ANKRD55: variants seen among roughly 807,000 people sequenced by gnomAD.
ANKRD55 encodes ankyrin repeat domain-containing protein 55.
Under a neutral mutation model 60.6 loss-of-function variants are expected in ANKRD55, and 41 were observed. The observed-to-expected ratio is 0.68, with a 90% CI of 0.53 to 0.88. The LOEUF (loss-of-function observed/expected upper bound fraction) is 0.88. ANKRD55 is among the 40% of genes least tolerant of loss of function. ANKRD55 has a pLI of 0.00. For missense variants in ANKRD55, 732 were observed against 767.6 expected (o/e 0.95, Z 0.55); for synonymous variants, 264 against 290.3 (o/e 0.91, Z 0.92).
chr5:56,107,398 C>A (rs895180144), intron 10 of ANKRD55, among the ~76,000 whole-genome samples: 3 of 152,142 alleles, frequency 2.0e-5, no homozygotes, highest in African/African-American at 7.2e-5. Flanking sequence ...CTAGTTATTT[C>A]ATTGTGTAAG....
At chr5:56,178,633 C>T (rs180710969) in intron 3 of ANKRD55, among the ~76,000 whole-genome samples, 46 of 152,030 alleles carry the variant, frequency 3.0e-4, no homozygotes, top group African/African-American at 1.1e-3. Context: ...AACAAAAATA[C>T]GGTACTTAGG....
intron 3 of ANKRD55, among the ~76,000 whole-genome samples, chr5:56,181,952 T>C (rs7706204): frequency 0.17 from 25,715 of 152,214 alleles, 4,014 homozygotes; most frequent in African/African-American, 0.41. Context: ...TTTTTAAATC[T>C]ACATTCATGA....
intron 2 of ANKRD55, among the ~76,000 whole-genome samples, chr5:56,211,509 G>A (rs993035570): frequency 5.9e-5 from 9 of 152,222 alleles, no homozygotes; most frequent in African/African-American, 2.4e-5. Context: ...ACTTGCACAG[G>A]TGGCAATTGG....
At chr5:56,205,851 C>G (rs1395642870) in intron 2 of ANKRD55, among the ~76,000 whole-genome samples, 10 of 152,140 alleles carry the variant, frequency 6.6e-5, no homozygotes, top group African/African-American at 2.4e-4. Flanking sequence ...AGTCCCTGAG[C>G]TTTGAGTTAT....
chr5:56,122,973 C>A (rs1446089454), intron 8 of ANKRD55, among the ~76,000 whole-genome samples: 2 of 151,902 alleles, frequency 1.3e-5, no homozygotes, highest in Non-Finnish European at 2.9e-5. Flanking sequence ...GCCATGTTGC[C>A]AAGGCTGCTC....
chr5:56,119,574 A>G (rs143038759), intron 8 of ANKRD55, among the ~76,000 whole-genome samples: 31 of 152,288 alleles, frequency 2.0e-4, no homozygotes, highest in Non-Finnish European at 3.8e-4. Context: ...ATTTTACTGA[A>G]CGTAAATAAA....
intron 6 of ANKRD55, among the ~76,000 whole-genome samples, chr5:56,155,921 T>C (rs1758183510): frequency 6.6e-6 from 1 of 151,630 alleles, no homozygotes; most frequent in African/African-American, 2.4e-5. Context: ...TACACATACA[T>C]ATATGGATAC....
At chr5:56,185,479 C>T (rs1561284811) in intron 2 of ANKRD55, among the ~76,000 whole-genome samples, 1 of 151,972 alleles carries the variant, frequency 6.6e-6, no homozygotes, top group Non-Finnish European at 1.5e-5. Flanking sequence ...CCAGCCTAAC[C>T]AACATGGAGA....
chr5:56,187,603 A>G (rs1017659659), intron 2 of ANKRD55, among the ~76,000 whole-genome samples: 13 of 152,226 alleles, frequency 8.5e-5, no homozygotes, highest in Non-Finnish European at 1.3e-4. Flanking sequence ...CTCTGGATCC[A>G]GCAGGGTGAC....
intron 10 of ANKRD55, 87 bp downstream of exon 10, chr5:56,111,031 T>TTG: frequency 6.9e-7 from 1 of 1,454,444 alleles, no homozygotes; most frequent in Non-Finnish European, 9.3e-7. Flanking sequence ...TTCTAGGCTA[T>TTG]TGTCACTCCA....
At chr5:56,135,355 CTTTCTTTCTTTCCTTCTTTCT>C in intron 7 of ANKRD55, among the ~76,000 whole-genome samples, 1 of 52,334 alleles carries the variant, frequency 1.9e-5, no homozygotes, top group East Asian at 5.0e-4. Context: ...TTCTTTCTTT[CTTTCTTTCTTTCCTTCTTTCT>C]TTCTTTCTTT....
chr5:56,185,676 A>G (rs1043861141), intron 2 of ANKRD55, among the ~76,000 whole-genome samples: 2 of 152,070 alleles, frequency 1.3e-5, no homozygotes, highest in African/African-American at 4.8e-5. Flanking sequence ...CTCAAAAAAA[A>G]AAAAAGTAAA....
At chr5:56,122,148 T>G (rs1157608906) in intron 8 of ANKRD55, among the ~76,000 whole-genome samples, 1 of 152,242 alleles carries the variant, frequency 6.6e-6, no homozygotes, top group Non-Finnish European at 1.5e-5. Context: ...AAATGTTTCT[T>G]AAGTGTAGAT....
chr5:56,226,352 A>G (rs1463908979), intron 2 of ANKRD55, among the ~76,000 whole-genome samples: 1 of 152,232 alleles, frequency 6.6e-6, no homozygotes, highest in East Asian at 1.9e-4. Flanking sequence ...TAAATACTTA[A>G]ATGTCAGACC....
intron 2 of ANKRD55, among the ~76,000 whole-genome samples, chr5:56,218,461 C>G (rs192608485): frequency 5.3e-4 from 80 of 152,286 alleles, no homozygotes; most frequent in South Asian, 3.9e-3. Flanking sequence ...CCATCAACAT[C>G]GAGGCAAGAC....
At chr5:56,154,031 GAAACCCCGTCTCT>G (rs1214586555) in intron 6 of ANKRD55, among the ~76,000 whole-genome samples, 4 of 150,198 alleles carry the variant, frequency 2.7e-5, no homozygotes, top group Non-Finnish European at 5.9e-5. Context: ...CTAACACAGT[GAAACCCCGTCTCT>G]ACTAAAAATA....
intron 6 of ANKRD55, among the ~76,000 whole-genome samples, chr5:56,150,885 C>T (rs774203844): frequency 9.9e-5 from 15 of 152,236 alleles, no homozygotes; most frequent in Non-Finnish European, 2.2e-4. Flanking sequence ...GGCGACAAAG[C>T]GAGACTCCGT....
At chr5:56,227,588 G>A (rs1386717611) in intron 2 of ANKRD55, among the ~76,000 whole-genome samples, 1 of 150,056 alleles carries the variant, frequency 6.7e-6, no homozygotes, top group African/African-American at 2.5e-5. Context: ...GAAAATAAAT[G>A]TTTCATTAAT....
intron 2 of ANKRD55, among the ~76,000 whole-genome samples, chr5:56,223,425 C>T (rs1011811739): frequency 1.3e-5 from 2 of 152,164 alleles, no homozygotes; most frequent in African/African-American, 2.4e-5. Context: ...ACCATTGATG[C>T]TAGGAAGAAA....
Sources: gnomAD v4.1 joint callset for allele counts (sites outside exome capture counted in the v4.1 genomes callset) on GRCh38, gnomAD v4.1.1 for gene constraint, MANE v1.5 for transcripts, NCBI Gene and HGNC (gene_info 2026-07-23, HGNC 2026-07-21) for gene names.